Variants in SPSB4 observed in about 807,000 individuals in gnomAD.
SPSB4 encodes the protein splA/ryanodine receptor domain and SOCS box containing 4.
In SPSB4, 21 loss-of-function variants were observed where a neutral mutation model predicts 20.9. The ratio of observed to expected loss-of-function variants is 1.01; its 90% CI spans 0.71 to 1.45. The LOEUF (loss-of-function observed/expected upper bound fraction) is 1.45. Among genes scored for constraint, SPSB4 ranks in the 40% most tolerant of loss-of-function variants. The probability of loss-of-function intolerance (pLI) is 0.00; values close to 1 mark genes in which losing one functional copy is unlikely to be tolerated. For missense variants in SPSB4, 399 were observed against 399.2 expected, an observed-to-expected ratio of 1.00 and a Z score of 0.00; for synonymous variants, 207 against 183.8, an observed-to-expected ratio of 1.13 and a Z score of -1.02.
intron 1 of SPSB4, among the ~76,000 whole-genome samples, chr3:141,055,882 C>G (rs1302056456): frequency 6.6e-6 from 1 of 152,194 alleles, no homozygotes; most frequent in East Asian, 1.9e-4. Context: ...AAACAACACC[C>G]AGGCAGGGCT....
At chr3:141,135,089 A>G (rs1312780717) in intron 2 of SPSB4, among the ~76,000 whole-genome samples, 2 of 151,812 alleles carry the variant, frequency 1.3e-5, no homozygotes, top group Non-Finnish European at 2.9e-5. Flanking sequence ...CAGCCCCACC[A>G]TCTCACCCCC....
At position 141,137,097 on chromosome 3, in the gene SPSB4, A is replaced by T. The variant is rs577205436; in HGVS notation, c.695-10045A>T. Among the ~76,000 whole-genome samples, 5 of 152,120 alleles carry T rather than the reference A, an allele frequency of 3.3e-5. No individual in the cohort carries two copies. The South Asian group carries it at 1.0e-3, about 32-fold the overall frequency. On this transcript the variant is annotated intron_variant, in intron 2 of 2. Coordinates refer to ENST00000310546, the MANE Select transcript of SPSB4 (RefSeq NM_080862.3). ...ATTCCTAGGTATTTTATTCTCTTTG[A>T]AGCAACTTTGAATGGGAGTTCACTC...
At chr3:141,086,610 G>A (rs1938344799) in intron 2 of SPSB4, among the ~76,000 whole-genome samples, 2 of 152,220 alleles carry the variant, frequency 1.3e-5, no homozygotes, top group African/African-American at 2.4e-5. Context: ...AAGATCCAGG[G>A]TAAATTACTC....
intron 2 of SPSB4, among the ~76,000 whole-genome samples, chr3:141,080,020 T>A (rs907469052): frequency 3.3e-5 from 5 of 152,176 alleles, no homozygotes; most frequent in African/African-American, 7.2e-5. Context: ...CTATTTTTTT[T>A]AAAAGTTATA....
At chr3:141,064,434 T>C (rs1937823919) in intron 1 of SPSB4, among the ~76,000 whole-genome samples, 1 of 152,222 alleles carries the variant, frequency 6.6e-6, no homozygotes. Flanking sequence ...TTCCCTCAGA[T>C]TGAACATTAG....
chr3:141,091,329 C>G (rs1474795319), intron 2 of SPSB4, among the ~76,000 whole-genome samples: 1 of 152,194 alleles, frequency 6.6e-6, no homozygotes, highest in Non-Finnish European at 1.5e-5. Flanking sequence ...ATAACCACCT[C>G]GTGAGCATTG....
In SPSB4 at chr3:141,051,954, G is replaced by A. The variant is rs983734262; in HGVS notation, c.-192G>A. On this transcript the variant is annotated 5_prime_UTR_variant, in exon 1 of 3. Transcript: ENST00000310546. ...GGGAGTCCAGGACCTGCCAGCGCTGGGGATTCTTCCCGAACAGGCGCTTGC... is the reference window on the plus strand; with the variant it reads ...GGGAGTCCAGGACCTGCCAGCGCTGAGGATTCTTCCCGAACAGGCGCTTGC... 1.3e-5 allele frequency: 2 copies of A among 152,292 alleles called. No homozygotes were observed. Among genetic ancestry groups the A allele is most frequent in the Non-Finnish European group, 2.9e-5 (2 of 68,112 alleles). 9.4% of individuals were successfully genotyped at this position (152,292 alleles called of 1,614,324 possible).
At chr3:141,084,764 C>G (rs183786866) in intron 2 of SPSB4, among the ~76,000 whole-genome samples, 1 of 152,264 alleles carries the variant, frequency 6.6e-6, no homozygotes, top group Non-Finnish European at 1.5e-5. Flanking sequence ...TTCTGCACTA[C>G]GGCAGCTGCT....
chr3:141,075,200 G>A (rs1409922958), intron 2 of SPSB4, among the ~76,000 whole-genome samples: 1 of 151,854 alleles, frequency 6.6e-6, no homozygotes, highest in African/African-American at 2.4e-5. Flanking sequence ...AGGGCCAGGG[G>A]TGATGCTGAT....
intron 2 of SPSB4, among the ~76,000 whole-genome samples, chr3:141,096,620 T>C (rs1938551061): frequency 6.6e-6 from 1 of 152,234 alleles, no homozygotes; most frequent in Admixed American, 6.5e-5. Context: ...GTGCTGTCTC[T>C]CTTTTTCCAG....
chr3:141,066,094 C>A lies in SPSB4; in HGVS notation c.-11C>A. The A allele has an allele frequency of 1.3e-6, 2 of 1,511,670 alleles. No individual in the cohort carries two copies. The highest frequency in any genetic ancestry group is 2.5e-5 in the South Asian group (2 of 80,958). The allele number at this position is 1,511,670 out of a possible 1,614,324, so 93.6% of individuals were successfully genotyped here. On this transcript the variant is annotated 5_prime_UTR_variant, in exon 2 of 3. Transcript: ENST00000310546. ...CGGTGGCCTGCAGCGGCCTCCTCCC[C>A]GCAGTGAAGCATGGGCCAGAAGCTC...
intron 2 of SPSB4, among the ~76,000 whole-genome samples, chr3:141,087,584 TAG>T (rs1445058931): frequency 6.6e-6 from 1 of 152,176 alleles, no homozygotes; most frequent in Non-Finnish European, 1.5e-5. Context: ...GATCCTTAAA[TAG>T]TCCTGGGAAG....
chr3:141,108,461 G>A (rs1055514295), intron 2 of SPSB4, among the ~76,000 whole-genome samples: 6 of 152,194 alleles, frequency 3.9e-5, no homozygotes, highest in African/African-American at 1.2e-4. Flanking sequence ...AGCAGGAGGT[G>A]GAATAAGAGA....
At chr3:141,105,311 T>G (rs1368361437) in intron 2 of SPSB4, among the ~76,000 whole-genome samples, 1 of 152,190 alleles carries the variant, frequency 6.6e-6, no homozygotes, top group Admixed American at 6.5e-5. Context: ...CAGTCACCAT[T>G]GCGCTGATTC....
intron 2 of SPSB4, among the ~76,000 whole-genome samples, chr3:141,140,611 G>T (rs1000250440): frequency 2.0e-5 from 3 of 152,214 alleles, no homozygotes; most frequent in African/African-American, 7.2e-5. Flanking sequence ...GACCCTGTTT[G>T]CCTGGGTATC....
chr3:141,122,988 T>G (rs1053181868), intron 2 of SPSB4, among the ~76,000 whole-genome samples: 1 of 152,152 alleles, frequency 6.6e-6, no homozygotes, highest in African/African-American at 2.4e-5. Context: ...ACCAGGTACC[T>G]CAGTTGGAAA....
At chr3:141,075,580 G>T (rs1159499389) in intron 2 of SPSB4, among the ~76,000 whole-genome samples, 1 of 152,070 alleles carries the variant, frequency 6.6e-6, no homozygotes, top group Non-Finnish European at 1.5e-5. Flanking sequence ...TTAAAATGCT[G>T]ATTCTGACTT....
At chr3:141,120,281 C>G (rs1938946587) in intron 2 of SPSB4, among the ~76,000 whole-genome samples, 1 of 152,126 alleles carries the variant, frequency 6.6e-6, no homozygotes, top group African/African-American at 2.4e-5. Context: ...GTCTGAGAGA[C>G]AGTTTGTTGT....
At chr3:141,070,261 G>A (rs1937972985) in intron 2 of SPSB4, among the ~76,000 whole-genome samples, 1 of 152,182 alleles carries the variant, frequency 6.6e-6, no homozygotes, top group African/African-American at 2.4e-5. Context: ...GTAGTGTTTA[G>A]TCTGAGTGGG....
Sources: gnomAD v4.1 joint callset for allele counts (sites outside exome capture counted in the v4.1 genomes callset) on GRCh38, gnomAD v4.1.1 for gene constraint, MANE v1.5 for transcripts, NCBI Gene and HGNC (gene_info 2026-07-23, HGNC 2026-07-21) for gene names.